The following GALNT15 variants were observed in gnomAD, a reference collection of about 807,000 sequenced individuals.
The protein encoded by GALNT15 is polypeptide N-acetylgalactosaminyltransferase 15, also known as UDP-GalNAc transferase T15.
In GALNT15, 67 loss-of-function variants were observed where a neutral mutation model predicts 66.8. The ratio of observed to expected loss-of-function variants is 1.00; its 90% CI spans 0.82 to 1.23. The LOEUF (loss-of-function observed/expected upper bound fraction) is 1.23. Ranked by LOEUF, GALNT15 falls within the 50% of genes most tolerant of loss-of-function variation. The probability of loss-of-function intolerance (pLI) is 0.00; values close to 1 mark genes in which losing one functional copy is unlikely to be tolerated. For synonymous variants in GALNT15, 313 were observed against 311.5 expected, an observed-to-expected ratio of 1.00 and a Z score of -0.05; for missense variants, 827 against 804.3, an observed-to-expected ratio of 1.03 and a Z score of -0.34.
the GALNT15 span, among the ~76,000 whole-genome samples, chr3:16,244,304 A>G: frequency 1.3e-5 from 2 of 152,210 alleles, no homozygotes; most frequent in African/African-American, 4.8e-5. Context: ...CATGATGGTG[A>G]CAGCTCAGAT....
In GALNT15 at chr3:16,228,167, C is replaced by T; in HGVS notation, c.*667C>T. Reference sequence around the variant, plus strand: ...TTTTCATGTTAATGAGAATTTCCACCATTGTAGAGAATTTCCTTCCTACTG... The same window carrying T: ...TTTTCATGTTAATGAGAATTTCCACTATTGTAGAGAATTTCCTTCCTACTG... On this transcript the variant is annotated 3_prime_UTR_variant, in exon 10 of 10. Transcript: ENST00000339732. 1 of 985,962 alleles carries T rather than the reference C, an allele frequency of 1.0e-6. No homozygotes were observed. The highest frequency in any genetic ancestry group is 1.2e-6 in the Non-Finnish European group (1 of 830,032). 61.1% of individuals were successfully genotyped at this position (985,962 alleles called of 1,614,324 possible).
At position 16,227,486 on chromosome 3, in the gene GALNT15, G is replaced by A. The variant is rs1208440803; in HGVS notation, c.1906G>A (p.Val636Met). Residue 636 changes from valine to methionine, a missense_variant, in exon 10 of 10, where the codon GTG becomes ATG. By Grantham distance (21) the Val-to-Met change is conservative. Transcript: ENST00000339732. This position sits in a 1 kb window ranked among gnomAD's most constrained non-coding sequence, Gnocchi z 4.5. ...QQWRFDQINA[V>M]DER Reference sequence around the variant, plus strand: ...GTGGCGTTTTGACCAGATCAATGCTGTGGATGAACGATGAATGTCAATGTC... The same window carrying A: ...GTGGCGTTTTGACCAGATCAATGCTATGGATGAACGATGAATGTCAATGTC... 1 of 1,614,186 alleles carries A rather than the reference G, an allele frequency of 6.2e-7. No homozygotes were observed. The highest frequency in any genetic ancestry group is 1.1e-5 in the South Asian group (1 of 91,082).
At chr3:16,233,113 T>TTTTTTTA (rs71064272), downstream of GALNT15, among the ~76,000 whole-genome samples, 1 of 139,260 alleles carries the variant, frequency 7.2e-6, no homozygotes, top group Non-Finnish European at 1.5e-5. Flanking sequence ...TTTTTTTTTT[T>TTTTTTTA]GAAACGGAGT....
chr3:16,175,233 ATG>A lies in GALNT15; in HGVS notation c.83_84del (p.Met28AsnfsTer26). The stretch of plus-strand genomic sequence containing the variant: ...GCTCCTGATGCTGGGATGCGTCCTG[ATG>A]ATGGTGGCGATGTTGCACCCTCCCC... ...LLLLMLGCVL[M>X]MVAMLHPPHH... On this transcript the variant is annotated frameshift_variant, in exon 1 of 10. Transcript: ENST00000339732. LOFTEE classifies it high-confidence loss of function. The surrounding 1 kb of genome is among the most constrained non-coding windows in gnomAD (Gnocchi z 5.6). 1 of 1,614,158 alleles carries A rather than the reference ATG, an allele frequency of 6.2e-7. No individual in the cohort carries two copies. Among genetic ancestry groups the A allele is most frequent in the South Asian group, 1.1e-5 (1 of 91,074 alleles).
Position 16,227,207 on chromosome 3 carries a change from G to T in GALNT15, c.1774-147G>T. ...TAGGGCTACCTAATTTATATTTTATGTTGATCAAAATACCACAATTCCTTT... is the reference window on the plus strand; with the variant it reads ...TAGGGCTACCTAATTTATATTTTATTTTGATCAAAATACCACAATTCCTTT... On this transcript the variant is annotated intron_variant, in intron 9 of 9. Transcript: ENST00000339732. The surrounding 1 kb of genome is among the most constrained non-coding windows in gnomAD (Gnocchi z 4.5). The T allele has an allele frequency of 1.2e-6, 1 of 840,550 alleles. No individual in the cohort carries two copies. Among genetic ancestry groups the T allele is most frequent in the East Asian group, 2.7e-5 (1 of 36,938 alleles). The allele number at this position is 840,550 out of a possible 1,614,324, so 52.1% of individuals were successfully genotyped here.
chr3:16,193,629 T>G lies in GALNT15; in HGVS notation c.540-2131T>G, dbSNP rs1355346181. 6.6e-6 allele frequency among the ~76,000 whole-genome samples: 1 copy of G among 152,182 alleles called. No individual in the cohort carries two copies. Among genetic ancestry groups the G allele is most frequent in the East Asian group, 1.9e-4 (1 of 5,196 alleles). On this transcript the variant is annotated intron_variant, in intron 1 of 9. Coordinates refer to ENST00000339732, the MANE Select transcript of GALNT15 (RefSeq NM_054110.5). The surrounding 1 kb of genome is among the most constrained non-coding windows in gnomAD (Gnocchi z 4.7). ...CCTGTGCATTGAGAGTTTTCTGCCT[T>G]TCTTAGGACTGGTACCAAGCTAGGG...
rs765735868 is a variant in GALNT15 at position 16,193,903 on chromosome 3, A to G, written c.540-1857A>G. ...TGCCTTTTGTAAGCAAGTGTGAGCT[A>G]TATACTGCTCCATGTATCAGGTTGT... On this transcript the variant is annotated intron_variant, in intron 1 of 9. Coordinates refer to ENST00000339732, the MANE Select transcript of GALNT15 (RefSeq NM_054110.5). The surrounding 1 kb of genome is among the most constrained non-coding windows in gnomAD (Gnocchi z 4.7). Among the ~76,000 whole-genome samples the G allele has an allele frequency of 3.1e-4, 47 of 152,236 alleles. No individual in the cohort carries two copies. The highest frequency in any genetic ancestry group is 1.4e-4 in the African/African-American group (6 of 41,460).
chr3:16,191,279 TC>T lies in GALNT15; in HGVS notation c.540-4480del. On this transcript the variant is annotated intron_variant, in intron 1 of 9. Transcript: ENST00000339732. The surrounding 1 kb of genome is among the most constrained non-coding windows in gnomAD (Gnocchi z 5.2). The stretch of plus-strand genomic sequence containing the variant: ...GCTGCGGGAAGGAGCCCCCAAAGAA[TC>T]AAGAACACACACTTTCAAGGCTGGA... 1 of 975,544 alleles carries T rather than the reference TC, an allele frequency of 1.0e-6. No individual in the cohort carries two copies. The highest frequency in any genetic ancestry group is 1.2e-6 in the Non-Finnish European group (1 of 820,908). 60.4% of individuals were successfully genotyped at this position (975,544 alleles called of 1,614,324 possible).
chr3:16,190,123 G>A (rs1325448808), intron 1 of GALNT15, among the ~76,000 whole-genome samples: 1 of 152,192 alleles, frequency 6.6e-6, no homozygotes, highest in Non-Finnish European at 1.5e-5. Context: ...CTCCTACTTG[G>A]TTCTGTGCTG....
At position 16,181,109 on chromosome 3, in the gene GALNT15, T is replaced by C. The variant is rs1160192176; in HGVS notation, c.539+5419T>C. Reference sequence around the variant, plus strand: ...ATGGCCTAGGAGTAAGTTGGAGTGATGGAGAAAAATGGAGCTGTGGATATC... The same window carrying C: ...ATGGCCTAGGAGTAAGTTGGAGTGACGGAGAAAAATGGAGCTGTGGATATC... On this transcript the variant is annotated intron_variant, in intron 1 of 9. Coordinates refer to ENST00000339732, the MANE Select transcript of GALNT15 (RefSeq NM_054110.5). This position sits in a 1 kb window ranked among gnomAD's most constrained non-coding sequence, Gnocchi z 5.9. Among the ~76,000 whole-genome samples, 3 of 152,194 alleles carry C rather than the reference T, an allele frequency of 2.0e-5. No homozygotes were observed. The highest frequency in any genetic ancestry group is 4.4e-5 in the Non-Finnish European group (3 of 68,034).
chr3:16,181,016 C>T lies in GALNT15; in HGVS notation c.539+5326C>T, dbSNP rs145805784. The stretch of plus-strand genomic sequence containing the variant: ...ATAAGGTTGTAGAGAAAATGAGACA[C>T]AACGTGTGATGATTTTCCTTGTGTA... On this transcript the variant is annotated intron_variant, in intron 1 of 9. Transcript: ENST00000339732. The surrounding 1 kb of genome is among the most constrained non-coding windows in gnomAD (Gnocchi z 5.9). Among the ~76,000 whole-genome samples, 1 of 152,180 alleles carries T rather than the reference C, an allele frequency of 6.6e-6. No homozygotes were observed. The highest frequency in any genetic ancestry group is 2.4e-5 in the African/African-American group (1 of 41,444).
At position 16,219,185 on chromosome 3, in the gene GALNT15, C is replaced by T. The variant is rs374801630; in HGVS notation, c.1393-218C>T. Among the ~76,000 whole-genome samples, 3 of 152,122 alleles carry T rather than the reference C, an allele frequency of 2.0e-5. No individual in the cohort carries two copies. The highest frequency in any genetic ancestry group is 4.1e-4 in the South Asian group (2 of 4,822). On this transcript the variant is annotated intron_variant, in intron 6 of 9. Transcript: ENST00000339732. The surrounding 1 kb of genome is among the most constrained non-coding windows in gnomAD (Gnocchi z 4.3). ...ATATCACTTACAGTCTTGCTGGTTC[C>T]ACAACTCTCTGTAGGGAAGATCTGT...
the GALNT15 span, among the ~76,000 whole-genome samples, chr3:16,243,187 A>G: frequency 0.45 from 68,916 of 152,088 alleles, 15,837 homozygotes; most frequent in South Asian, 0.52. Flanking sequence ...CAGGCTCCCA[A>G]GGCTTTAGAG....
intron 9 of GALNT15, 140 bp downstream of exon 9, chr3:16,222,898 A>G (rs1038605311): frequency 7.1e-5 from 72 of 1,014,500 alleles, no homozygotes; most frequent in Non-Finnish European, 1.0e-4. Flanking sequence ...GCTGGGCAGT[A>G]AGGCCTCAGG....
intron 1 of GALNT15, among the ~76,000 whole-genome samples, chr3:16,190,302 G>A (rs1331845905): frequency 6.6e-6 from 1 of 152,154 alleles, no homozygotes; most frequent in Non-Finnish European, 1.5e-5. Context: ...TAAACAGTCT[G>A]CACCATCCTC....
chr3:16,231,668 G>C (rs2064083165), downstream of GALNT15: 1 of 702,518 alleles, frequency 1.4e-6, no homozygotes, highest in Non-Finnish European at 2.4e-6. The surrounding 1 kb of genome is among the most constrained non-coding windows in gnomAD (Gnocchi z 4.1). Context: ...GAAAATTAAA[G>C]TTCCCTAACA....
intron 6 of GALNT15, among the ~76,000 whole-genome samples, chr3:16,216,690 A>T (rs952126022): frequency 1.3e-5 from 2 of 152,160 alleles, no homozygotes; most frequent in Non-Finnish European, 2.9e-5. Context: ...GGCTGTTCAC[A>T]CGTGCAGTGG....
chr3:16,220,950 C>A (rs1483216046), intron 8 of GALNT15, among the ~76,000 whole-genome samples: 1 of 152,208 alleles, frequency 6.6e-6, no homozygotes, highest in Non-Finnish European at 1.5e-5. Context: ...GATAGGCATT[C>A]ACACCTGGCA....
chr3:16,243,924 C>G, the GALNT15 span: 1 of 813,524 alleles, frequency 1.2e-6, no homozygotes, highest in Non-Finnish European at 1.5e-6. Context: ...TGTCTGATGT[C>G]GTGTTCTGTG....
Sources: gnomAD v4.1 joint callset for allele counts (sites outside exome capture counted in the v4.1 genomes callset) on GRCh38, gnomAD v4.1.1 for gene constraint, Gnocchi (gnomAD v3.1) non-coding constraint, MANE v1.5 for transcripts, NCBI Gene and HGNC (gene_info 2026-07-23, HGNC 2026-07-21) for gene names.